Variants in PRSS23 observed in about 807,000 individuals in gnomAD.
The protein encoded by PRSS23 is serine protease 23, also known as protease, serine 23.
Under a neutral mutation model 34.7 loss-of-function variants are expected in PRSS23, and 25 were observed. The observed-to-expected ratio is 0.72, with a 90% confidence interval of 0.53 to 1.01. PRSS23 has a LOEUF of 1.01. Ranked by LOEUF, PRSS23 falls within the 50% of genes least tolerant of loss-of-function variation. The pLI, the probability that PRSS23 is intolerant of heterozygous loss-of-function variation, is 0.00. For synonymous variants in PRSS23, 176 were observed against 186.6 expected (o/e 0.94, Z 0.46); for missense variants, 445 against 475.6 (o/e 0.94, Z 0.60).
chr11:86,913,350 T>C (rs2134995604), intron 2 of PRSS23, among the ~76,000 whole-genome samples: 1 of 150,430 alleles, frequency 6.6e-6, no homozygotes, highest in South Asian at 2.1e-4. Context: ...CTGGCTCTTG[T>C]CTAGCGTTTG....
chr11:86,842,563 C>A (rs746305301), intron 2 of PRSS23, among the ~76,000 whole-genome samples: 4 of 152,184 alleles, frequency 2.6e-5, no homozygotes, highest in Non-Finnish European at 5.9e-5. Flanking sequence ...CCTAAGCTGA[C>A]AAGCAACTTC....
intron 2 of PRSS23, among the ~76,000 whole-genome samples, chr11:86,878,189 G>C (rs1391360945): frequency 6.9e-6 from 1 of 145,332 alleles, no homozygotes; most frequent in Non-Finnish European, 1.5e-5. Flanking sequence ...ATACACTTGA[G>C]AAAAAAATTT....
At chr11:86,860,818 C>A (rs1042650651) in intron 2 of PRSS23, among the ~76,000 whole-genome samples, 1 of 151,742 alleles carries the variant, frequency 6.6e-6, no homozygotes, top group African/African-American at 2.4e-5. Flanking sequence ...GGGAAATGTA[C>A]GTCACCCTGT....
intron 2 of PRSS23, among the ~76,000 whole-genome samples, chr11:86,925,365 C>T (rs1001434386): frequency 6.6e-6 from 1 of 151,352 alleles, no homozygotes; most frequent in Admixed American, 6.6e-5. Context: ...TAGTCTGGTC[C>T]GATTGATAAG....
Position 86,951,894 on chromosome 11 carries a change from C to T in PRSS23, c.*609C>T, listed in dbSNP as rs755789676. 6 of 1,613,696 alleles carry T rather than the reference C, an allele frequency of 3.7e-6. No individual in the cohort carries two copies. In the South Asian group the frequency reaches 6.6e-5, roughly 18 times the overall value. On this transcript the variant is annotated 3_prime_UTR_variant, in exon 3 of 3. Transcript: ENST00000533902. ...CCTTCTTGGATGAGAACAGGTTCTG[C>T]TGCCTCTTCAAAATCACAGGATATC...
At chr11:86,890,405 G>A (rs1399145062) in intron 2 of PRSS23, among the ~76,000 whole-genome samples, 2 of 152,172 alleles carry the variant, frequency 1.3e-5, no homozygotes, top group Non-Finnish European at 2.9e-5. Context: ...TACATCAGCT[G>A]TTGATAACAC....
intron 2 of PRSS23, among the ~76,000 whole-genome samples, chr11:86,943,657 T>C (rs891303122): frequency 9.2e-5 from 14 of 151,890 alleles, no homozygotes; most frequent in African/African-American, 3.4e-4. Context: ...AGAAAAAAAA[T>C]AGAAATCAGA....
chr11:86,800,454 T>C, upstream of PRSS23: 1 of 983,104 alleles, frequency 1.0e-6, no homozygotes, highest in South Asian at 4.7e-5. Flanking sequence ...TCCGCGCGGC[T>C]TCCCCGAGGC....
At chr11:86,834,698 T>C (rs990440858) in intron 2 of PRSS23, among the ~76,000 whole-genome samples, 2 of 152,218 alleles carry the variant, frequency 1.3e-5, no homozygotes, top group South Asian at 2.1e-4. Flanking sequence ...TGATGTTTGA[T>C]AGGTGTTCCC....
intron 2 of PRSS23, chr11:86,934,167 C>G (rs1949145323): frequency 6.6e-6 from 1 of 152,162 alleles, no homozygotes; most frequent in Non-Finnish European, 1.5e-5. Context: ...GTTTGTACAG[C>G]AAATCATCAT....
At chr11:86,844,997 C>G (rs575235163) in intron 2 of PRSS23, among the ~76,000 whole-genome samples, 79 of 150,864 alleles carry the variant, frequency 5.2e-4, no homozygotes, top group African/African-American at 1.4e-3. Context: ...GCTGAGCAAA[C>G]AAATCACTTG....
intron 2 of PRSS23, among the ~76,000 whole-genome samples, chr11:86,876,248 G>C (rs554751815): frequency 3.3e-5 from 5 of 152,150 alleles, no homozygotes; most frequent in African/African-American, 9.6e-5. Flanking sequence ...CACCATACTA[G>C]AAACTGCAGG....
chr11:86,864,792 T>C (rs973567408), intron 2 of PRSS23, among the ~76,000 whole-genome samples: 9 of 152,242 alleles, frequency 5.9e-5, no homozygotes, highest in Admixed American at 4.6e-4. Flanking sequence ...TTCCAGCTTC[T>C]AGAGGCTGGC....
At chr11:86,905,301 C>T (rs1372884355) in intron 2 of PRSS23, among the ~76,000 whole-genome samples, 1 of 152,180 alleles carries the variant, frequency 6.6e-6, no homozygotes, top group African/African-American at 2.4e-5. Flanking sequence ...TAATCTCTTT[C>T]TGGCTATTCC....
At chr11:86,861,969 AAT>A (rs1948618832) in intron 2 of PRSS23, among the ~76,000 whole-genome samples, 1 of 151,676 alleles carries the variant, frequency 6.6e-6, no homozygotes, top group Non-Finnish European at 1.5e-5. Flanking sequence ...CAGTTGTGAT[AAT>A]GTTTGCAATA....
chr11:86,826,184 G>T (rs1025402976), intron 2 of PRSS23, among the ~76,000 whole-genome samples: 2 of 151,892 alleles, frequency 1.3e-5, no homozygotes, highest in African/African-American at 4.8e-5. Context: ...TCTCCTTGAA[G>T]AGGTCCTTCA....
At chr11:86,897,316 T>A (rs1025510984) in intron 2 of PRSS23, among the ~76,000 whole-genome samples, 2 of 152,214 alleles carry the variant, frequency 1.3e-5, no homozygotes, top group African/African-American at 4.8e-5. Flanking sequence ...TTGCCCAGGC[T>A]GGTCTGAAAC....
intron 2 of PRSS23, chr11:86,833,091 C>T (rs555113824): frequency 2.1e-4 from 125 of 603,920 alleles, no homozygotes; most frequent in South Asian, 1.5e-3. Flanking sequence ...GGCTACAAAC[C>T]GGTCATAGGC....
chr11:86,830,187 G>A lies in PRSS23; in HGVS notation c.206+6594G>A, dbSNP rs542139063. On this transcript the variant is annotated intron_variant, in intron 2 of 2. Transcript: ENST00000533902. The stretch of plus-strand genomic sequence containing the variant: ...CTGCTTTGTTTACCTAAGCAAGCCC[G>A]GGCAATGGTGGGCGCCCCTCCCCCA... Among the ~76,000 whole-genome samples, 10 of 152,192 alleles carry A rather than the reference G, an allele frequency of 6.6e-5. No individual in the cohort carries two copies. The East Asian group carries it at 1.2e-3, about 18-fold the overall frequency.
Sources: allele counts gnomAD v4.1 joint callset (sites outside exome capture counted in the v4.1 genomes callset), GRCh38; gene constraint gnomAD v4.1.1; transcripts MANE v1.5; gene names NCBI Gene and HGNC (gene_info 2026-07-23, HGNC 2026-07-21).